The following FGF12 variants were observed in gnomAD, a reference collection of about 807,000 sequenced individuals.
FGF12 encodes the protein fibroblast growth factor 12.
FGF12 carries 14 observed loss-of-function variants against 23.6 expected under a neutral mutation model. The ratio of observed to expected loss-of-function variants is 0.59; its 90% CI spans 0.39 to 0.93. The LOEUF (loss-of-function observed/expected upper bound fraction) is 0.93, where lower values mean the gene tolerates loss of function less well. Ranked by LOEUF, FGF12 falls within the 40% of genes least tolerant of loss-of-function variation. The pLI is 0.00. For synonymous variants in FGF12, 62 were observed against 77.3 expected (o/e 0.80, Z 1.04); for missense variants, 175 against 217.8 (o/e 0.80, Z 1.24).
chr3:192,421,520 G>A (rs1721525994), intron 2 of FGF12, among the ~76,000 whole-genome samples: 2 of 152,126 alleles, frequency 1.3e-5, no homozygotes, highest in Non-Finnish European at 2.9e-5. Context: ...GTCCTTTGGA[G>A]GGACATGGAT....
In FGF12 at chr3:192,360,246, A is replaced by G. The variant is rs1718657583; in HGVS notation, c.124+182T>C. On this transcript the variant is annotated intron_variant, in intron 3 of 5. Coordinates refer to ENST00000445105, the MANE Select transcript of FGF12 (RefSeq NM_004113.6). This position sits in a 1 kb window ranked among gnomAD's most constrained non-coding sequence, Gnocchi z 4.3. The stretch of plus-strand genomic sequence containing the variant: ...CTCTTAAGTGCATAACCTCTCTCCT[A>G]TACTGTCTTTGCTGTAGGAAATCAT... Among the ~76,000 whole-genome samples, 1 of 152,120 alleles carries G rather than the reference A, an allele frequency of 6.6e-6. No individual in the cohort carries two copies. The highest frequency in any genetic ancestry group is 6.6e-5 in the Admixed American group (1 of 15,256).
chr3:192,158,370 CT>C (rs1185712833), intron 5 of FGF12, among the ~76,000 whole-genome samples: 1 of 121,546 alleles, frequency 8.2e-6, no homozygotes. Flanking sequence ...TTCTTTCTTT[CT>C]TTCTTTCTTT....
chr3:192,277,577 T>G (rs753530421), intron 4 of FGF12, among the ~76,000 whole-genome samples: 1 of 152,164 alleles, frequency 6.6e-6, no homozygotes, highest in South Asian at 2.1e-4. Context: ...TTTAACTGGG[T>G]AACTATGAGT....
intron 4 of FGF12, among the ~76,000 whole-genome samples, chr3:192,292,307 TTTAG>T (rs1002375481): frequency 1.3e-5 from 2 of 152,178 alleles, no homozygotes; most frequent in Admixed American, 1.3e-4. Flanking sequence ...TTTTTTTTTT[TTTAG>T]TGTTTGCAGA....
intron 2 of FGF12, among the ~76,000 whole-genome samples, chr3:192,623,792 G>C (rs537348416): frequency 6.6e-6 from 1 of 152,082 alleles, no homozygotes; most frequent in African/African-American, 2.4e-5. Context: ...CCTCTCTCTC[G>C]GCTATTATTC....
intron 4 of FGF12, among the ~76,000 whole-genome samples, chr3:192,199,694 C>T (rs1012677900): frequency 1.3e-5 from 2 of 152,112 alleles, no homozygotes; most frequent in African/African-American, 4.8e-5. Flanking sequence ...AATGATATTC[C>T]TTGCCAATCT....
intron 4 of FGF12, among the ~76,000 whole-genome samples, chr3:192,234,426 G>A (rs1460655245): frequency 6.6e-6 from 1 of 152,154 alleles, no homozygotes; most frequent in Non-Finnish European, 1.5e-5. Flanking sequence ...TCAGTTCTAT[G>A]AGCTTTTGGA....
At chr3:192,174,959 A>C (rs1377538279) in intron 4 of FGF12, among the ~76,000 whole-genome samples, 1 of 152,234 alleles carries the variant, frequency 6.6e-6, no homozygotes, top group African/African-American at 2.4e-5. Flanking sequence ...AATGCAATGA[A>C]TCCTATAATA....
chr3:192,252,666 A>C (rs1333383539), intron 4 of FGF12, among the ~76,000 whole-genome samples: 1 of 151,812 alleles, frequency 6.6e-6, no homozygotes. Flanking sequence ...ACAAATAATC[A>C]CTTGTCTTCA....
chr3:192,537,456 C>T (rs1206986051), intron 2 of FGF12, among the ~76,000 whole-genome samples: 1 of 151,924 alleles, frequency 6.6e-6, no homozygotes, highest in African/African-American at 2.4e-5. Context: ...ACATGCTGGC[C>T]AGTGTTTGTG....
At chr3:192,354,455 A>G in intron 3 of FGF12, among the ~76,000 whole-genome samples, 1 of 150,468 alleles carries the variant, frequency 6.6e-6, no homozygotes, top group East Asian at 1.9e-4. Flanking sequence ...AGAATAAAGC[A>G]TGGCAAAAAA....
chr3:192,403,940 C>A (rs1231109281), intron 2 of FGF12, among the ~76,000 whole-genome samples: 4 of 151,968 alleles, frequency 2.6e-5, no homozygotes, highest in African/African-American at 9.7e-5. Flanking sequence ...TTTTGAATAA[C>A]CATAATTTTT....
At chr3:192,349,141 T>A (rs1400244493) in intron 3 of FGF12, among the ~76,000 whole-genome samples, 1 of 152,100 alleles carries the variant, frequency 6.6e-6, no homozygotes, top group Non-Finnish European at 1.5e-5. Flanking sequence ...CTAAAAACAG[T>A]GCTTAATCAA....
intron 4 of FGF12, among the ~76,000 whole-genome samples, chr3:192,282,400 A>C (rs1262723501): frequency 6.6e-6 from 1 of 152,168 alleles, no homozygotes; most frequent in East Asian, 1.9e-4. Flanking sequence ...TAGTCAAAAA[A>C]TAATTTATGC....
At chr3:192,463,538 G>T (rs575287650) in intron 2 of FGF12, among the ~76,000 whole-genome samples, 1 of 152,270 alleles carries the variant, frequency 6.6e-6, no homozygotes, top group African/African-American at 2.4e-5. Context: ...AACTCTTCAA[G>T]CTTACCTGGC....
At chr3:192,195,726 ATATG>A (rs1018216810) in intron 4 of FGF12, among the ~76,000 whole-genome samples, 13 of 152,306 alleles carry the variant, frequency 8.5e-5, no homozygotes, top group African/African-American at 2.6e-4. Context: ...GTGTGTATAT[ATATG>A]TATGTATGTG....
chr3:192,632,702 A>T (rs1264860514), intron 2 of FGF12, among the ~76,000 whole-genome samples: 1 of 152,236 alleles, frequency 6.6e-6, no homozygotes, highest in African/African-American at 2.4e-5. Flanking sequence ...CAGAGGTAAA[A>T]ATCATCATCC....
At chr3:192,545,363 AG>A (rs1414183119) in intron 2 of FGF12, among the ~76,000 whole-genome samples, 2 of 152,230 alleles carry the variant, frequency 1.3e-5, no homozygotes, top group Admixed American at 1.3e-4. Context: ...GTTATCACAA[AG>A]GACAGTGAGC....
intron 4 of FGF12, among the ~76,000 whole-genome samples, chr3:192,232,865 C>T (rs908871549): frequency 2.0e-5 from 3 of 152,134 alleles, no homozygotes; most frequent in Non-Finnish European, 4.4e-5. Flanking sequence ...ATCCATGTTG[C>T]TGCAAAGGAC....
Sources: allele counts gnomAD v4.1 joint callset (sites outside exome capture counted in the v4.1 genomes callset), GRCh38; gene constraint gnomAD v4.1.1; non-coding constraint Gnocchi (gnomAD v3.1); transcripts MANE v1.5; gene names NCBI Gene and HGNC (gene_info 2026-07-23, HGNC 2026-07-21).